Variants in PDGFB observed in about 807,000 individuals in gnomAD.
PDGFB encodes platelet derived growth factor subunit B.
PDGFB carries 6 observed loss-of-function variants against 29.0 expected under a neutral mutation model. That is an observed-to-expected ratio of 0.21 (90% CI 0.11 to 0.41). PDGFB has a LOEUF of 0.41. Among genes scored for constraint, PDGFB ranks in the 10% least tolerant of loss-of-function variants. The pLI, the probability that PDGFB is intolerant of heterozygous loss-of-function variation, is 1.00. For synonymous variants in PDGFB, 144 were observed against 140.8 expected, an observed-to-expected ratio of 1.02 and a Z score of -0.16; for missense variants, 299 against 341.8, an observed-to-expected ratio of 0.87 and a Z score of 0.99.
intron 3 of PDGFB, 45 bp downstream of exon 3, chr22:39,233,390 C>A (rs764844992): frequency 5.5e-6 from 8 of 1,443,786 alleles, no homozygotes; most frequent in Non-Finnish European, 7.7e-6. Context: ...TTTCCCTGGC[C>A]CCCATGCTAA....
At chr22:39,226,420 A>T (rs978398035) in intron 5 of PDGFB, among the ~76,000 whole-genome samples, 1 of 152,008 alleles carries the variant, frequency 6.6e-6, no homozygotes, top group Admixed American at 6.6e-5. Context: ...CCTGGTGGGG[A>T]CTGGCTCTCC....
intron 1 of PDGFB, chr22:39,240,799 A>G: frequency 1.3e-6 from 2 of 1,596,986 alleles, no homozygotes; most frequent in Non-Finnish European, 1.7e-6. Flanking sequence ...AAGAGTTGTC[A>G]CAGAAGAGGC....
At chr22:39,235,736 TCTC>T (rs1051197203) in intron 2 of PDGFB, 39 bp downstream of exon 2, 1 of 1,409,462 alleles carries the variant, frequency 7.1e-7, no homozygotes, top group African/African-American at 1.4e-5. Context: ...TCTCTTAAAG[TCTC>T]CTCGGAGGGC....
chr22:39,226,351 G>C (rs563565239), intron 5 of PDGFB, among the ~76,000 whole-genome samples: 1 of 152,296 alleles, frequency 6.6e-6, no homozygotes, highest in South Asian at 2.1e-4. Flanking sequence ...TGCTTTGGGG[G>C]ACCCTGGGCT....
rs1296118303 is a variant in PDGFB, at chr22:39,242,677, G to T, written c.63+1224C>A. 3.3e-5 allele frequency among the ~76,000 whole-genome samples: 5 copies of T among 151,856 alleles called. No individual in the cohort carries two copies. Among genetic ancestry groups the T allele is most frequent in the African/African-American group, 9.7e-5 (4 of 41,366 alleles). On this transcript the variant is annotated intron_variant, in intron 1 of 6. Coordinates refer to ENST00000331163, the MANE Select transcript of PDGFB (RefSeq NM_002608.4). The surrounding 1 kb of genome is among the most constrained non-coding windows in gnomAD (Gnocchi z 5.7). ...CGTGGTCAAAACAACCTGCGCTGGC[G>T]GCAGCCCAAGGCCGGGCCGCGGCCT...
At chr22:39,229,868 G>A (rs1054464655) in intron 5 of PDGFB, among the ~76,000 whole-genome samples, 1 of 152,352 alleles carries the variant, frequency 6.6e-6, no homozygotes, top group South Asian at 2.1e-4. Context: ...AAGGGTACTG[G>A]TTGGCAGAGA....
Position 39,231,629 on chromosome 22 carries a change from G to A in PDGFB, c.449C>T (p.Pro150Leu). 6.4e-7 allele frequency: 1 copy of A among 1,565,136 alleles called. No individual in the cohort carries two copies. The highest frequency in any genetic ancestry group is 8.6e-7 in the Non-Finnish European group (1 of 1,156,380). The change falls in exon 4 of 7, where the codon CCT (proline) becomes CTT (leucine). Residue 150 changes from proline to leucine, a missense_variant. Transcript: ENST00000331163. This position sits in a 1 kb window ranked among gnomAD's most constrained non-coding sequence, Gnocchi z 4.3. The stretch of plus-strand genomic sequence containing the variant: ...GCCGCGGAGCCTACGCACCTGGACA[G>A]GTCGCAGCTGCACCTGGGTGGGGCG... ...QCRPTQVQLR[P>L]VQVRKIEIVR...
At chr22:39,228,861 A>C (rs7288082) in intron 5 of PDGFB, among the ~76,000 whole-genome samples, 52,796 of 146,324 alleles carry the variant, frequency 0.36, 10,184 homozygotes, top group Middle Eastern at 0.48. Context: ...TGTACTCCAG[A>C]CTGCGTGACA....
chr22:39,237,559 G>T (rs1932475404), intron 1 of PDGFB, among the ~76,000 whole-genome samples: 1 of 152,204 alleles, frequency 6.6e-6, no homozygotes, highest in South Asian at 2.1e-4. Flanking sequence ...TCCGGGCTCT[G>T]CCTCCTCCCG....
At chr22:39,230,498 G>A (rs1292285830) in intron 4 of PDGFB, among the ~76,000 whole-genome samples, 2 of 152,254 alleles carry the variant, frequency 1.3e-5, no homozygotes, top group Non-Finnish European at 2.9e-5. Flanking sequence ...AGGCATTTCC[G>A]GGTTGAGCTG....
chr22:39,231,369 G>T lies in PDGFB; in HGVS notation c.456+253C>A, dbSNP rs888699430. Among the ~76,000 whole-genome samples the T allele has an allele frequency of 6.6e-6, 1 of 152,164 alleles. No individual in the cohort carries two copies. Among genetic ancestry groups the T allele is most frequent in the African/African-American group, 2.4e-5 (1 of 41,450 alleles). ...GTTGGCTCCACACCTCGCCCAGCCC[G>T]GGGGGTCTGTCTGTGGCTTTTGGCT... is the stretch of plus-strand genomic sequence containing the variant. On this transcript the variant is annotated intron_variant, in intron 4 of 6. Transcript: ENST00000331163. The surrounding 1 kb of genome is among the most constrained non-coding windows in gnomAD (Gnocchi z 4.3).
At chr22:39,230,773 C>T (rs1932282751) in intron 4 of PDGFB, among the ~76,000 whole-genome samples, 3 of 152,204 alleles carry the variant, frequency 2.0e-5, no homozygotes, top group Non-Finnish European at 4.4e-5. Flanking sequence ...GGAGGAGAGG[C>T]CACGGGCTGG....
intron 5 of PDGFB, among the ~76,000 whole-genome samples, chr22:39,228,064 G>A (rs973549525): frequency 8.5e-5 from 13 of 152,226 alleles, no homozygotes; most frequent in African/African-American, 2.2e-4. Context: ...GTGACAACAC[G>A]CAGATCTGAG....
At chr22:39,227,278 G>A (rs935175121) in intron 5 of PDGFB, among the ~76,000 whole-genome samples, 1 of 152,020 alleles carries the variant, frequency 6.6e-6, no homozygotes, top group African/African-American at 2.4e-5. Flanking sequence ...ATTTTTAGTA[G>A]AGATGGGGTT....
In PDGFB at chr22:39,231,669, G is replaced by A. The variant is rs777425676; in HGVS notation, c.409C>T (p.Arg137Cys). 8.8e-6 allele frequency: 14 copies of A among 1,594,198 alleles called. No homozygotes were observed. The highest frequency in any genetic ancestry group is 2.3e-5 in the East Asian group (1 of 43,890). The change falls in exon 4 of 7, where the codon CGC (arginine) becomes TGC (cysteine). Residue 137 changes from arginine (R) to cysteine (C), a missense_variant. Coordinates refer to ENST00000331163, the MANE Select transcript of PDGFB (RefSeq NM_002608.4). The surrounding 1 kb of genome is among the most constrained non-coding windows in gnomAD (Gnocchi z 4.3). ...TGGGTGGGGCGGCACTGCACGTTGC[G>A]GTTGTTGCAGCAGCCGGAGCAGCGC... ...VQRCSGCCNN[R>C]NVQCRPTQVQ...
At chr22:39,228,893 A>AAAAAAAAAAAAAAAATATAT (rs1184799325) in intron 5 of PDGFB, among the ~76,000 whole-genome samples, 1 of 132,520 alleles carries the variant, frequency 7.5e-6, no homozygotes. Context: ...CCTCAAAAAA[A>AAAAAAAAAAAAAAAATATAT]ATATATATAT....
Position 39,243,774 on chromosome 22 carries a change from A to C in PDGFB, c.63+127T>G, listed in dbSNP as rs1932626544. 1 of 672,676 alleles carries C rather than the reference A, an allele frequency of 1.5e-6. No homozygotes were observed. The highest frequency in any genetic ancestry group is 1.9e-5 in the African/African-American group (1 of 53,558). The allele number at this position is 672,676 out of a possible 1,614,324, so 41.7% of individuals were successfully genotyped here. On this transcript the variant is annotated intron_variant, in intron 1 of 6. Coordinates refer to ENST00000331163, the MANE Select transcript of PDGFB (RefSeq NM_002608.4). This position sits in a 1 kb window ranked among gnomAD's most constrained non-coding sequence, Gnocchi z 6.4. ...CGCTCCCAGCCCGAAGAGGTCACCC[A>C]GCGCCCGGCGTCAGGCTCGCGGGCT...
chr22:39,233,356 G>T, intron 3 of PDGFB, 79 bp downstream of exon 3: 1 of 1,088,754 alleles, frequency 9.2e-7, no homozygotes, highest in Non-Finnish European at 1.3e-6. Flanking sequence ...GGGGCCCTCC[G>T]ACTGGCTGCC....
At chr22:39,241,509 G>A (rs1210962725) in intron 1 of PDGFB, among the ~76,000 whole-genome samples, 1 of 152,244 alleles carries the variant, frequency 6.6e-6, no homozygotes, top group Non-Finnish European at 1.5e-5. Flanking sequence ...GTTCAAGAAT[G>A]CTGTGACTAA....
Sources: allele counts gnomAD v4.1 joint callset (sites outside exome capture counted in the v4.1 genomes callset), GRCh38; gene constraint gnomAD v4.1.1; non-coding constraint Gnocchi (gnomAD v3.1); transcripts MANE v1.5; gene names NCBI Gene and HGNC (gene_info 2026-07-23, HGNC 2026-07-21).